Variants in ZSWIM9 observed in about 807,000 individuals in gnomAD.
ZSWIM9 encodes zinc finger SWIM-type containing 9, also known as uncharacterized protein ZSWIM9.
A neutral mutation model predicts 25.0 loss-of-function variants in ZSWIM9; 11 were observed. That is an observed-to-expected ratio of 0.44 (90% confidence interval 0.28 to 0.73). ZSWIM9 has a LOEUF of 0.73. Among genes scored for constraint, ZSWIM9 ranks in the 30% least tolerant of loss-of-function variants. The pLI is 0.16. For missense variants in ZSWIM9, 1,070 were observed against 1,296.5 expected (o/e 0.83, Z 2.68); for synonymous variants, 562 against 582.1 (o/e 0.97, Z 0.50).
intron 2 of ZSWIM9, among the ~76,000 whole-genome samples, chr19:48,178,293 G>A (rs2036913537): frequency 6.6e-6 from 1 of 151,996 alleles, no homozygotes; most frequent in Admixed American, 6.5e-5. Context: ...GTGCATGTAG[G>A]AAAAAAGGGG....
chr19:48,182,132 T>C lies in ZSWIM9; in HGVS notation c.276-323T>C, dbSNP rs955652157. 14 of 333,990 alleles carry C rather than the reference T, an allele frequency of 4.2e-5. No homozygotes were observed. Among genetic ancestry groups the C allele is most frequent in the African/African-American group, 2.3e-4 (11 of 46,832 alleles). 20.7% of individuals were successfully genotyped at this position (333,990 alleles called of 1,614,324 possible). A position where few individuals can be genotyped will look rare whatever the true frequency, so the allele number is the denominator to read the frequency against. Reference sequence around the variant, plus strand: ...TTTTGACAGAACTAAGGGTGGTAGGTATAGAATTTTAGTGAACACTTACTG... The same window carrying C: ...TTTTGACAGAACTAAGGGTGGTAGGCATAGAATTTTAGTGAACACTTACTG... On this transcript the variant is annotated intron_variant, in intron 2 of 3. Coordinates refer to ENST00000614654, the MANE Select transcript of ZSWIM9 (RefSeq NM_199341.4). The surrounding 1 kb of genome is among the most constrained non-coding windows in gnomAD (Gnocchi z 4.6).
At position 48,171,799 on chromosome 19, in the gene ZSWIM9, C is replaced by T. The variant is rs1486250319; in HGVS notation, c.-4C>T. The T allele has an allele frequency of 2.0e-6, 3 of 1,530,894 alleles. No individual in the cohort carries two copies. Among genetic ancestry groups the T allele is most frequent in the Admixed American group, 2.0e-5 (1 of 50,668 alleles). The allele number at this position is 1,530,894 out of a possible 1,614,324, so 94.8% of individuals were successfully genotyped here. The stretch of plus-strand genomic sequence containing the variant: ...TTCTCCCCTCCTCCACGCAGGCCCC[C>T]AGGATGGAGCGGCCGGAGCCCCCAC... On this transcript the variant is annotated 5_prime_UTR_variant, in exon 2 of 4. Transcript: ENST00000614654.
chr19:48,186,936 G>A (rs1335071864), intron 3 of ZSWIM9, among the ~76,000 whole-genome samples: 3 of 152,158 alleles, frequency 2.0e-5, no homozygotes, highest in African/African-American at 7.2e-5. Flanking sequence ...CAGTCACTGG[G>A]GGTGGGGGAA....
intron 2 of ZSWIM9, among the ~76,000 whole-genome samples, chr19:48,179,006 T>C (rs1366705621): frequency 2.0e-5 from 3 of 152,162 alleles, no homozygotes; most frequent in Non-Finnish European, 2.9e-5. Flanking sequence ...TTGCAGAAAA[T>C]GTTTGACAGC....
chr19:48,188,305 C>G (rs116839806), intron 3 of ZSWIM9, among the ~76,000 whole-genome samples: 1,663 of 152,154 alleles, frequency 0.011, 36 homozygotes, highest in African/African-American at 0.037. Context: ...TCAGCACGAC[C>G]TCCATCTCCC....
Position 48,182,887 on chromosome 19 carries a change from C to T in ZSWIM9, c.588+120C>T, listed in dbSNP as rs959524667. The T allele has an allele frequency of 2.8e-5, 21 of 760,074 alleles. No individual in the cohort carries two copies. In the South Asian group the frequency reaches 3.5e-4, roughly 13 times the overall value. The allele number at this position is 760,074 out of a possible 1,614,324, so 47.1% of individuals were successfully genotyped here. ...CCTTCACTCCTTTCCTCCATTCATC[C>T]GTTCATTCATTCAATAAGTACTTAC... On this transcript the variant is annotated intron_variant, in intron 3 of 3. Transcript: ENST00000614654. This position sits in a 1 kb window ranked among gnomAD's most constrained non-coding sequence, Gnocchi z 4.6.
chr19:48,187,392 A>C (rs2037025872), intron 3 of ZSWIM9, among the ~76,000 whole-genome samples: 1 of 87,722 alleles, frequency 1.1e-5, no homozygotes, highest in South Asian at 3.0e-4. Flanking sequence ...AATAATTAAT[A>C]TATTATATTA....
chr19:48,196,296 A>C lies in ZSWIM9; in HGVS notation c.2232A>C (p.Arg744=). 1 of 1,233,700 alleles carries C rather than the reference A, an allele frequency of 8.1e-7. No homozygotes were observed. Among genetic ancestry groups the C allele is most frequent in the Non-Finnish European group, 1.0e-6 (1 of 989,206 alleles). 76.4% of individuals were successfully genotyped at this position (1,233,700 alleles called of 1,614,324 possible). A position where few individuals can be genotyped will look rare whatever the true frequency, so the allele number is the denominator to read the frequency against. ...CCCGGTCCGTGGGCCCCAAGAGCCG[A>C]GCCGGACGAGGGATGGAGTGGGGAG... ...GGARSVGPKS[R]AGRGMEWGDA... Residue 744 remains arginine, a synonymous_variant, in exon 4 of 4, where the codon CGA becomes CGC. Transcript: ENST00000614654.
intron 3 of ZSWIM9, among the ~76,000 whole-genome samples, chr19:48,192,533 G>A (rs1388298230): frequency 9.1e-6 from 1 of 110,164 alleles, no homozygotes; most frequent in African/African-American, 3.5e-5. Context: ...ACATAGCCCC[G>A]CCTTCATCAA....
chr19:48,196,462 G>A lies in ZSWIM9; in HGVS notation c.2398G>A (p.Glu800Lys), dbSNP rs1599940187. 8.1e-7 allele frequency: 1 copy of A among 1,232,704 alleles called. No homozygotes were observed. The highest frequency in any genetic ancestry group is 1.0e-6 in the Non-Finnish European group (1 of 988,458). The allele number at this position is 1,232,704 out of a possible 1,614,324, so 76.4% of individuals were successfully genotyped here. ...AAGDGLQEGG[E>K]DGPREPKRLC... ...AGGTGACGGCCTGCAGGAAGGAGGC[G>A]AAGATGGCCCCAGGGAACCAAAGAG... The change falls in exon 4 of 4, where the codon GAA becomes AAA. Residue 800 changes from glutamate to lysine, a missense_variant. Around this residue, in one of 4 missense-constraint regions of ZSWIM9, gnomAD observed 583 missense variants for 624.7 expected, o/e 0.93. Coordinates refer to ENST00000614654, the MANE Select transcript of ZSWIM9 (RefSeq NM_199341.4).
rs149040652 is a variant in ZSWIM9 at position 48,172,818 on chromosome 19, C to T, written c.275+741C>T. ...CCGCGAGCCACTGTGCCCGGCCTGA[C>T]TTACAGAATGTAATAGAGACTTCGA... On this transcript the variant is annotated intron_variant, in intron 2 of 3. Coordinates refer to ENST00000614654, the MANE Select transcript of ZSWIM9 (RefSeq NM_199341.4). Among the ~76,000 whole-genome samples, 220 of 152,246 alleles carry T rather than the reference C, an allele frequency of 1.4e-3. 1 individual carries two copies. The highest frequency in any genetic ancestry group is 0.01 in the Middle Eastern group (3 of 294).
At chr19:48,188,121 C>T (rs190651748) in intron 3 of ZSWIM9, among the ~76,000 whole-genome samples, 6 of 152,228 alleles carry the variant, frequency 3.9e-5, no homozygotes, top group South Asian at 2.1e-4. Flanking sequence ...TTGGGTTGCT[C>T]TCTTGATCTT....
intron 2 of ZSWIM9, among the ~76,000 whole-genome samples, chr19:48,175,339 G>A (rs879121299): frequency 3.3e-5 from 5 of 152,086 alleles, no homozygotes; most frequent in African/African-American, 4.8e-5. Context: ...TTGATGAGCC[G>A]GTTCAGGAAC....
chr19:48,196,740 C>T lies in ZSWIM9; in HGVS notation c.2676C>T (p.His892=). Residue 892 remains histidine (H), a synonymous_variant, in exon 4 of 4, where the codon CAC becomes CAT. Transcript: ENST00000614654. ...CCGCCCGCCGTCTGCCCTGCAGACA[C>T]CTCTTTGCAGCGCGCCTCCTCACTG... ...IHAARRLPCR[H]LFAARLLTGA... 6 of 1,233,540 alleles carry T rather than the reference C, an allele frequency of 4.9e-6. No individual in the cohort carries two copies. The highest frequency in any genetic ancestry group is 6.1e-6 in the Non-Finnish European group (6 of 988,956). 76.4% of individuals were successfully genotyped at this position (1,233,540 alleles called of 1,614,324 possible). A position where few individuals can be genotyped will look rare whatever the true frequency, so the allele number is the denominator to read the frequency against.
intron 3 of ZSWIM9, chr19:48,193,087 C>G (rs567008348): frequency 6.4e-6 from 1 of 155,188 alleles, no homozygotes; most frequent in East Asian, 1.9e-4. Flanking sequence ...GCTGAGAGAT[C>G]GAGACAGACG....
At chr19:48,176,696 GC>G (rs533909270) in intron 2 of ZSWIM9, among the ~76,000 whole-genome samples, 284 of 152,198 alleles carry the variant, frequency 1.9e-3, no homozygotes, top group Non-Finnish European at 3.0e-3. Flanking sequence ...GTTTTTGGGA[GC>G]CCCTGCAATG....
intron 3 of ZSWIM9, among the ~76,000 whole-genome samples, chr19:48,191,306 G>GCAATTCTCCTGTCT (rs2037092442): frequency 6.6e-6 from 1 of 152,146 alleles, no homozygotes; most frequent in Non-Finnish European, 1.5e-5. Flanking sequence ...CCGGGTTCAA[G>GCAATTCTCCTGTCT]CAATTCTCCT....
At position 48,194,603 on chromosome 19, in the gene ZSWIM9, A is replaced by C. The variant is rs1599937059; in HGVS notation, c.589-50A>C. On this transcript the variant is annotated intron_variant, in intron 3 of 3. Transcript: ENST00000614654. The surrounding 1 kb of genome is among the most constrained non-coding windows in gnomAD (Gnocchi z 6.0). ...CGAGGTCGGGGAGCTGGGCGGGGAGACCCCAGCATCCTCTGACCTCTTTCC... is the reference window on the plus strand; with the variant it reads ...CGAGGTCGGGGAGCTGGGCGGGGAGCCCCCAGCATCCTCTGACCTCTTTCC... 7.4e-7 allele frequency: 1 copy of C among 1,353,486 alleles called. No homozygotes were observed. Among genetic ancestry groups the C allele is most frequent in the Non-Finnish European group, 9.5e-7 (1 of 1,051,390 alleles). The allele number at this position is 1,353,486 out of a possible 1,614,324, so 83.8% of individuals were successfully genotyped here.
intron 2 of ZSWIM9, among the ~76,000 whole-genome samples, chr19:48,177,931 CTT>C (rs561803838): frequency 1.3e-5 from 2 of 152,192 alleles, no homozygotes; most frequent in Non-Finnish European, 2.9e-5. Context: ...GAGCTTCGCT[CTT>C]GTCGCCCAGG....
Sources: gnomAD v4.1 joint callset for allele counts (sites outside exome capture counted in the v4.1 genomes callset) on GRCh38, gnomAD v4.1.1 for gene constraint, gnomAD v4.1.1 regional missense constraint, Gnocchi (gnomAD v3.1) non-coding constraint, MANE v1.5 for transcripts, NCBI Gene and HGNC (gene_info 2026-07-23, HGNC 2026-07-21) for gene names.